SNTG1: variants seen among roughly 807,000 people sequenced by gnomAD.
SNTG1 encodes the protein gamma-1-syntrophin.
In SNTG1, 39 loss-of-function variants were observed where a neutral mutation model predicts 74.7. The observed-to-expected ratio is 0.52, with a 90% confidence interval of 0.40 to 0.68. The LOEUF (loss-of-function observed/expected upper bound fraction) is 0.68, where lower values mean the gene tolerates loss of function less well. Among genes scored for constraint, SNTG1 ranks in the 30% least tolerant of loss-of-function variants. The pLI is 0.00. For synonymous variants in SNTG1, 254 were observed against 217.1 expected, an observed-to-expected ratio of 1.17 and a Z score of -1.49; for missense variants, 685 against 609.5, an observed-to-expected ratio of 1.12 and a Z score of -1.30.
At chr8:50,371,137 C>A (rs1035386725) in intron 2 of SNTG1, among the ~76,000 whole-genome samples, 1 of 152,148 alleles carries the variant, frequency 6.6e-6, no homozygotes, top group Non-Finnish European at 1.5e-5. Flanking sequence ...CTCAAGATAA[C>A]TATTTTCTTT....
chr8:50,626,654 G>A (rs924737637), intron 13 of SNTG1, among the ~76,000 whole-genome samples: 2 of 152,336 alleles, frequency 1.3e-5, no homozygotes, highest in Admixed American at 6.5e-5. Context: ...TGTCCTTAAG[G>A]CACAGATGGC....
At chr8:50,184,205 G>A (rs144016239) in intron 2 of SNTG1, among the ~76,000 whole-genome samples, 7 of 151,974 alleles carry the variant, frequency 4.6e-5, no homozygotes, top group Admixed American at 2.0e-4. Flanking sequence ...TTGCTCTGTC[G>A]CCCAGGCTGG....
At chr8:50,199,429 G>A (rs1457893071) in intron 2 of SNTG1, among the ~76,000 whole-genome samples, 1 of 151,974 alleles carries the variant, frequency 6.6e-6, no homozygotes, top group Non-Finnish European at 1.5e-5. Context: ...TGTTGGCCAG[G>A]CTGGTCTCGA....
At position 50,720,919 on chromosome 8, in the gene SNTG1, A is replaced by G. The variant is rs767477727; in HGVS notation, c.1284+11941A>G. 2.6e-4 allele frequency among the ~76,000 whole-genome samples: 39 copies of G among 152,308 alleles called. No homozygotes were observed. The Middle Eastern group carries it at 0.01, about 40-fold the overall frequency. On this transcript the variant is annotated intron_variant, in intron 17 of 18. Transcript: ENST00000642720. ...TACTTTTATTGCACATAAAATAGTT[A>G]ACATAGGGTTTAGTTTACCTTTATA...
chr8:50,016,017 CT>C (rs1313631454), intron 1 of SNTG1, among the ~76,000 whole-genome samples: 2 of 152,022 alleles, frequency 1.3e-5, no homozygotes, highest in Non-Finnish European at 2.9e-5. Flanking sequence ...AGCTGCAGGC[CT>C]TGCAGTTTTC....
chr8:50,691,155 ATG>A (rs2095376993), intron 15 of SNTG1, among the ~76,000 whole-genome samples: 1 of 151,942 alleles, frequency 6.6e-6, no homozygotes, highest in Non-Finnish European at 1.5e-5. Flanking sequence ...TGCACGTGAG[ATG>A]GGTTTCCTGA....
chr8:49,991,437 G>A (rs941384312), intron 1 of SNTG1, among the ~76,000 whole-genome samples: 1 of 151,982 alleles, frequency 6.6e-6, no homozygotes, highest in Non-Finnish European at 1.5e-5. Context: ...CTACTCCTAG[G>A]GTTATACCCA....
At chr8:49,965,186 G>A (rs933461019) in intron 1 of SNTG1, among the ~76,000 whole-genome samples, 4 of 151,552 alleles carry the variant, frequency 2.6e-5, no homozygotes, top group East Asian at 1.9e-4. Flanking sequence ...TTATACCTAT[G>A]AGGGTGATAA....
intron 2 of SNTG1, among the ~76,000 whole-genome samples, chr8:50,252,851 A>C (rs1229511024): frequency 6.6e-6 from 1 of 152,184 alleles, no homozygotes; most frequent in African/African-American, 2.4e-5. Flanking sequence ...TGAAGGGGAC[A>C]AAACATTGAA....
intron 2 of SNTG1, among the ~76,000 whole-genome samples, chr8:50,225,936 G>T (rs988492230): frequency 6.6e-6 from 1 of 152,038 alleles, no homozygotes; most frequent in African/African-American, 2.4e-5. Context: ...AAAATATTTT[G>T]CAGTATTAAA....
At chr8:50,423,837 T>G (rs12335072) in intron 4 of SNTG1, among the ~76,000 whole-genome samples, 13,912 of 152,016 alleles carry the variant, frequency 0.092, 1,970 homozygotes, top group African/African-American at 0.3. Flanking sequence ...TGACTAGTAG[T>G]TAGAGAAAGG....
chr8:50,279,237 T>C (rs1244013196), intron 2 of SNTG1, among the ~76,000 whole-genome samples: 1 of 152,054 alleles, frequency 6.6e-6, no homozygotes, highest in Non-Finnish European at 1.5e-5. Context: ...TATTGGTAAA[T>C]CCAAAAAAAT....
chr8:50,171,115 C>G (rs1191943443), intron 1 of SNTG1, among the ~76,000 whole-genome samples: 1 of 152,144 alleles, frequency 6.6e-6, no homozygotes, highest in Non-Finnish European at 1.5e-5. Context: ...ACAACTGCCA[C>G]AAGTCCAGTC....
intron 12 of SNTG1, among the ~76,000 whole-genome samples, chr8:50,560,950 T>C (rs572484914): frequency 3.6e-4 from 55 of 152,348 alleles, no homozygotes; most frequent in African/African-American, 1.3e-3. Flanking sequence ...AAGTGTTTAA[T>C]AACTAAATGG....
At chr8:50,673,241 G>A (rs182342449) in intron 15 of SNTG1, among the ~76,000 whole-genome samples, 389 of 152,240 alleles carry the variant, frequency 2.6e-3, no homozygotes, top group African/African-American at 8.7e-3. Flanking sequence ...GATGGGAATA[G>A]CATTGAATCT....
At chr8:50,224,943 A>G (rs1451735145) in intron 2 of SNTG1, among the ~76,000 whole-genome samples, 1 of 152,102 alleles carries the variant, frequency 6.6e-6, no homozygotes, top group Non-Finnish European at 1.5e-5. Flanking sequence ...TAAAGGAAAG[A>G]ATTAACTAAA....
intron 3 of SNTG1, among the ~76,000 whole-genome samples, chr8:50,400,622 G>A (rs1024642063): frequency 2.0e-5 from 3 of 152,124 alleles, no homozygotes; most frequent in African/African-American, 7.2e-5. Context: ...CACTAACAGT[G>A]TGTAAGGGTT....
At chr8:50,125,921 A>G (rs1449177921) in intron 1 of SNTG1, among the ~76,000 whole-genome samples, 2 of 152,134 alleles carry the variant, frequency 1.3e-5, no homozygotes, top group African/African-American at 4.8e-5. Flanking sequence ...GAGTCTGTGC[A>G]AGGTCAGAGG....
At chr8:49,912,495 T>C (rs1339676553) in intron 1 of SNTG1, among the ~76,000 whole-genome samples, 1 of 152,224 alleles carries the variant, frequency 6.6e-6, no homozygotes, top group African/African-American at 2.4e-5. Flanking sequence ...GCATATCTTG[T>C]TTATTTTTTC....
Sources: allele counts gnomAD v4.1 joint callset (sites outside exome capture counted in the v4.1 genomes callset), GRCh38; gene constraint gnomAD v4.1.1; transcripts MANE v1.5; gene names NCBI Gene and HGNC (gene_info 2026-07-23, HGNC 2026-07-21).